MAP3K13: variants seen among roughly 807,000 people sequenced by gnomAD.
MAP3K13 encodes the protein mitogen-activated protein kinase kinase kinase 13.
MAP3K13 carries 52 observed loss-of-function variants against 104.0 expected under a neutral mutation model. The observed-to-expected ratio is 0.50, with a 90% CI of 0.40 to 0.63. The LOEUF (loss-of-function observed/expected upper bound fraction) is 0.63, where lower values mean the gene tolerates loss of function less well. Ranked by LOEUF, MAP3K13 falls within the 20% of genes least tolerant of loss-of-function variation. The pLI is 0.00. For missense variants in MAP3K13, 914 were observed against 1,218.5 expected, an observed-to-expected ratio of 0.75 and a Z score of 3.72; for synonymous variants, 394 against 442.2, an observed-to-expected ratio of 0.89 and a Z score of 1.37.
chr3:185,382,258 A>T (rs1363924652), intron 1 of MAP3K13, among the ~76,000 whole-genome samples: 1 of 152,228 alleles, frequency 6.6e-6, no homozygotes, highest in Non-Finnish European at 1.5e-5. Flanking sequence ...ATAGACTAAT[A>T]AAACTTTGTG....
At chr3:185,448,239 A>G (rs777821945) in intron 5 of MAP3K13, 18 of 431,898 alleles carry the variant, frequency 4.2e-5, no homozygotes, top group Non-Finnish European at 7.4e-5. Flanking sequence ...ATCATTTAGT[A>G]TAGAAGTCTT....
intron 1 of MAP3K13, among the ~76,000 whole-genome samples, chr3:185,396,304 G>T (rs1167449891): frequency 6.6e-6 from 1 of 152,198 alleles, no homozygotes; most frequent in African/African-American, 2.4e-5. Flanking sequence ...CGGGAGGCGG[G>T]GGTTGCAGTG....
At position 185,418,614 on chromosome 3, in the gene MAP3K13, A is replaced by G; in HGVS notation, c.-85-9883A>G. ...CACTGGTCTGATGACCTGCTAATTC[A>G]CTGGCAGCGTAGGGCTGTCTGTTGT... On this transcript the variant is annotated intron_variant, in intron 1 of 13. Transcript: ENST00000265026. This position sits in a 1 kb window ranked among gnomAD's most constrained non-coding sequence, Gnocchi z 4.5. 1 of 1,612,172 alleles carries G rather than the reference A, an allele frequency of 6.2e-7. No homozygotes were observed. The highest frequency in any genetic ancestry group is 8.5e-7 in the Non-Finnish European group (1 of 1,179,556).
chr3:185,443,458 C>T lies in MAP3K13; in HGVS notation c.673C>T (p.Gln225Ter). ...TTTTCTTGGAAGGGGTGTTTGTACT[C>T]AGGCCCCATGTTATTGTATTATCAT... ...NIIAFKGVCT[Q>*]APCYCIIMEY... Residue 225 changes from glutamine to a stop codon, truncating the protein, a stop_gained, in exon 4 of 14, where the codon CAG becomes TAG. Transcript: ENST00000265026. LOFTEE classifies it high-confidence loss of function. 2 of 1,610,604 alleles carry T rather than the reference C, an allele frequency of 1.2e-6. No homozygotes were observed. Among genetic ancestry groups the T allele is most frequent in the Non-Finnish European group, 1.7e-6 (2 of 1,177,404 alleles).
intron 1 of MAP3K13, among the ~76,000 whole-genome samples, chr3:185,377,525 G>T (rs193022369): frequency 0.012 from 1,762 of 152,242 alleles, 26 homozygotes; most frequent in African/African-American, 0.038. Context: ...CCTAATAAGG[G>T]AGCTGGGCAG....
intron 1 of MAP3K13, among the ~76,000 whole-genome samples, chr3:185,415,851 G>A (rs957426601): frequency 1.3e-5 from 2 of 151,982 alleles, no homozygotes; most frequent in African/African-American, 4.8e-5. Flanking sequence ...CCAAAGTGCC[G>A]GGATTGCAGG....
intron 2 of MAP3K13, among the ~76,000 whole-genome samples, chr3:185,355,259 G>T (rs1723302864): frequency 6.6e-6 from 1 of 152,118 alleles, no homozygotes. Flanking sequence ...ATCACTTGAG[G>T]TCAGGAGTTT....
At chr3:185,472,676 T>A (rs1290729739) in intron 10 of MAP3K13, among the ~76,000 whole-genome samples, 4 of 152,214 alleles carry the variant, frequency 2.6e-5, no homozygotes, top group Non-Finnish European at 5.9e-5. Context: ...GTTGCTCTGA[T>A]AGGGGCTCTT....
chr3:185,478,601 T>C (rs1718265173), intron 12 of MAP3K13, among the ~76,000 whole-genome samples: 1 of 152,010 alleles, frequency 6.6e-6, no homozygotes, highest in African/African-American at 2.4e-5. Context: ...TAAAATCTCT[T>C]TGTACTAGGC....
At chr3:185,291,750 C>G in intron 2 of MAP3K13, 1 of 1,487,158 alleles carries the variant, frequency 6.7e-7, no homozygotes, top group Non-Finnish European at 8.8e-7. Flanking sequence ...CCATTGAACC[C>G]TCTCACAAAA....
intron 1 of MAP3K13, among the ~76,000 whole-genome samples, chr3:185,421,263 G>T (rs1253566438): frequency 6.6e-6 from 1 of 151,692 alleles, no homozygotes. Flanking sequence ...GCAGCATCTC[G>T]GTTCACTGCA....
rs751252534 is a variant in MAP3K13 at position 185,451,381 on chromosome 3, T to C, written c.1264T>C (p.Tyr422His). 1 of 1,612,606 alleles carries C rather than the reference T, an allele frequency of 6.2e-7. No individual in the cohort carries two copies. Among genetic ancestry groups the C allele is most frequent in the South Asian group, 1.1e-5 (1 of 91,070 alleles). Reference sequence around the variant, plus strand: ...TGTACTTGCCACCCCACAAGAAACTTACTTCAAGTCTCAGGTAAGTTGGGA... The same window carrying C: ...TGTACTTGCCACCCCACAAGAAACTCACTTCAAGTCTCAGGTAAGTTGGGA... ...ADVLATPQET[Y>H]FKSQAEWREE... The change falls in exon 7 of 14, where the codon TAC becomes CAC. Residue 422 changes from tyrosine (Y) to histidine (H), a missense_variant. Physicochemically the swap from Tyr to His is moderately conservative, Grantham distance 83 (BLOSUM62 2). This residue lies in a region of MAP3K13 where 583 missense variants were observed against 737.4 expected (regional missense o/e 0.79). Coordinates refer to ENST00000265026, the MANE Select transcript of MAP3K13 (RefSeq NM_004721.5).
chr3:185,461,651 CT>C (rs1315878758), intron 7 of MAP3K13, among the ~76,000 whole-genome samples: 1 of 152,120 alleles, frequency 6.6e-6, no homozygotes, highest in Non-Finnish European at 1.5e-5. Context: ...CAAGCTCTGC[CT>C]CCCGGGTTCA....
At chr3:185,340,635 T>C (rs1432557432) in intron 2 of MAP3K13, among the ~76,000 whole-genome samples, 1 of 152,166 alleles carries the variant, frequency 6.6e-6, no homozygotes, top group Non-Finnish European at 1.5e-5. Flanking sequence ...AATTTCATCT[T>C]GAATTGTAAT....
At chr3:185,405,235 G>A (rs1464008997) in intron 1 of MAP3K13, among the ~76,000 whole-genome samples, 1 of 152,156 alleles carries the variant, frequency 6.6e-6, no homozygotes. Flanking sequence ...TGCTATTAAG[G>A]TATATATGCA....
At chr3:185,349,123 ATTC>A (rs1723043078) in intron 2 of MAP3K13, among the ~76,000 whole-genome samples, 1 of 151,446 alleles carries the variant, frequency 6.6e-6, no homozygotes, top group South Asian at 2.1e-4. Context: ...ATTTCTACTT[ATTC>A]TTTTTTTTTT....
Position 185,436,242 on chromosome 3 carries a change from A to G in MAP3K13, c.476-1205A>G, listed in dbSNP as rs187533055. ...GTTTTTAAGACAGAAAACAATAGAG[A>G]ATATGAAGCACTAATAATGCCACCA... On this transcript the variant is annotated intron_variant, in intron 2 of 13. Coordinates refer to ENST00000265026, the MANE Select transcript of MAP3K13 (RefSeq NM_004721.5). Among the ~76,000 whole-genome samples, 8 of 152,342 alleles carry G rather than the reference A, an allele frequency of 5.3e-5. No homozygotes were observed. The East Asian group carries it at 1.5e-3, about 29-fold the overall frequency.
At chr3:185,303,110 A>G (rs1053260696) in intron 2 of MAP3K13, among the ~76,000 whole-genome samples, 4 of 152,130 alleles carry the variant, frequency 2.6e-5, no homozygotes, top group African/African-American at 9.7e-5. Context: ...TTTGGCCTTC[A>G]TTGTGTTAAT....
chr3:185,354,615 G>T (rs1188111059), intron 2 of MAP3K13, among the ~76,000 whole-genome samples: 1 of 151,582 alleles, frequency 6.6e-6, no homozygotes, highest in Non-Finnish European at 1.5e-5. Context: ...GTATGGGGGG[G>T]GGGCAGGGTA....
Sources: gnomAD v4.1 joint callset for allele counts (sites outside exome capture counted in the v4.1 genomes callset) on GRCh38, gnomAD v4.1.1 for gene constraint, gnomAD v4.1.1 regional missense constraint, Gnocchi (gnomAD v3.1) non-coding constraint, MANE v1.5 for transcripts, NCBI Gene and HGNC (gene_info 2026-07-23, HGNC 2026-07-21) for gene names.